The following MOSMO variants were observed in gnomAD, a reference collection of about 807,000 sequenced individuals.
MOSMO encodes modulator of smoothened protein.
A neutral mutation model predicts 18.4 loss-of-function variants in MOSMO; 5 were observed. The ratio of observed to expected loss-of-function variants is 0.27; its 90% CI spans 0.14 to 0.57. The LOEUF (loss-of-function observed/expected upper bound fraction) is 0.57, where lower values mean the gene tolerates loss of function less well. Ranked by LOEUF, MOSMO falls within the 20% of genes least tolerant of loss-of-function variation. MOSMO has a pLI of 0.92. For missense variants in MOSMO, 138 were observed against 211.8 expected (o/e 0.65, Z 2.16); for synonymous variants, 82 against 82.3 (o/e 1.00, Z 0.02).
chr16:22,044,506 A>AAGG (rs1900270249), intron 1 of MOSMO, among the ~76,000 whole-genome samples: 1 of 152,200 alleles, frequency 6.6e-6, no homozygotes, highest in Non-Finnish European at 1.5e-5. Flanking sequence ...ATGATGCTCA[A>AAGG]AGGAAATGCT....
chr16:22,079,812 C>G (rs986535941), intron 2 of MOSMO, among the ~76,000 whole-genome samples: 24 of 152,240 alleles, frequency 1.6e-4, no homozygotes, highest in African/African-American at 5.8e-4. Context: ...GAGACAGAGT[C>G]TCAGTCTGTT....
At chr16:22,027,015 G>A (rs1899890405) in intron 1 of MOSMO, among the ~76,000 whole-genome samples, 1 of 152,282 alleles carries the variant, frequency 6.6e-6, no homozygotes. Flanking sequence ...TGTCTTTAGT[G>A]TGTGGCTTTA....
intron 1 of MOSMO, among the ~76,000 whole-genome samples, chr16:22,017,266 C>A (rs1247411063): frequency 6.6e-6 from 1 of 152,104 alleles, no homozygotes; most frequent in Non-Finnish European, 1.5e-5. Context: ...TAATTATTTA[C>A]ATAGTGACCG....
At chr16:22,024,016 T>TA (rs57968547) in intron 1 of MOSMO, among the ~76,000 whole-genome samples, 17 of 145,622 alleles carry the variant, frequency 1.2e-4, no homozygotes, top group African/African-American at 3.9e-4. Flanking sequence ...TATATATATA[T>TA]TTTCTTAAGA....
At chr16:22,052,443 C>T (rs1318714758) in intron 1 of MOSMO, among the ~76,000 whole-genome samples, 1 of 152,160 alleles carries the variant, frequency 6.6e-6, no homozygotes, top group African/African-American at 2.4e-5. Context: ...CTTTGGAAAA[C>T]AATTTGGTAT....
intron 1 of MOSMO, among the ~76,000 whole-genome samples, chr16:22,025,546 A>G (rs1899858441): frequency 6.6e-6 from 1 of 152,204 alleles, no homozygotes; most frequent in South Asian, 2.1e-4. Context: ...AATATTGAAT[A>G]CAAATTGAAA....
intron 1 of MOSMO, among the ~76,000 whole-genome samples, chr16:22,013,923 G>A (rs1899586051): frequency 6.6e-6 from 1 of 151,876 alleles, no homozygotes; most frequent in African/African-American, 2.4e-5. Context: ...TTCCCTGCTT[G>A]TATTCTGAAC....
intron 1 of MOSMO, among the ~76,000 whole-genome samples, chr16:22,072,659 A>G (rs1178930665): frequency 6.6e-6 from 1 of 152,072 alleles, no homozygotes; most frequent in Non-Finnish European, 1.5e-5. Flanking sequence ...AAAATACAAA[A>G]AAATTAGCCG....
chr16:22,010,726 C>A (rs1367624833), intron 1 of MOSMO, among the ~76,000 whole-genome samples: 2 of 151,830 alleles, frequency 1.3e-5, no homozygotes, highest in African/African-American at 4.8e-5. Context: ...TGAGACCATC[C>A]TGGCCAACAT....
Position 22,083,500 on chromosome 16 carries a change from TATAAGTGAAAAG to T in MOSMO, c.*2624_*2635del. The T allele has an allele frequency of 9.6e-6, 3 of 312,768 alleles. No individual in the cohort carries two copies. The highest frequency in any genetic ancestry group is 8.1e-5 in the South Asian group (3 of 37,176). 19.4% of individuals were successfully genotyped at this position (312,768 alleles called of 1,614,324 possible). On this transcript the variant is annotated 3_prime_UTR_variant, in exon 3 of 3. Transcript: ENST00000542527. ...CATTCATATAGATTTCTATAAATCC[TATAAGTGAAAAG>T]ATAGACAACTGTCCGCAGTTGCTTT...
intron 1 of MOSMO, among the ~76,000 whole-genome samples, chr16:22,026,689 A>G (rs1899883992): frequency 6.6e-6 from 1 of 152,198 alleles, no homozygotes; most frequent in Non-Finnish European, 1.5e-5. Context: ...TTTGGAAATG[A>G]TTCATTCATT....
chr16:22,060,741 C>G (rs956086973), intron 1 of MOSMO, among the ~76,000 whole-genome samples: 1 of 152,070 alleles, frequency 6.6e-6, no homozygotes, highest in Non-Finnish European at 1.5e-5. Context: ...GGCTTTATGG[C>G]GCATGCCTGT....
chr16:22,055,641 G>A (rs1567510018), intron 1 of MOSMO, among the ~76,000 whole-genome samples: 2 of 152,176 alleles, frequency 1.3e-5, no homozygotes. Context: ...GGATGGTAAA[G>A]ACTTCATTAC....
At chr16:22,091,577 G>T (rs1901327731), downstream of MOSMO, among the ~76,000 whole-genome samples, 2 of 152,074 alleles carry the variant, frequency 1.3e-5, no homozygotes, top group African/African-American at 2.4e-5. Context: ...TTTTTGTAGA[G>T]ACAGAGTCTC....
intron 1 of MOSMO, among the ~76,000 whole-genome samples, chr16:22,063,087 C>G (rs1311456937): frequency 6.6e-6 from 1 of 152,080 alleles, no homozygotes; most frequent in African/African-American, 2.4e-5. Flanking sequence ...CTCCTGACCT[C>G]AGGTGATCCA....
At chr16:22,090,438 A>G (rs971755117), downstream of MOSMO, among the ~76,000 whole-genome samples, 3 of 152,098 alleles carry the variant, frequency 2.0e-5, no homozygotes, top group African/African-American at 7.2e-5. Flanking sequence ...TCCTCATGAC[A>G]TTAAACACAT....
intron 1 of MOSMO, 77 bp from the exon 2 acceptor site, chr16:22,075,410 T>A: frequency 9.0e-7 from 1 of 1,109,612 alleles, no homozygotes; most frequent in South Asian, 1.3e-5. Context: ...ATTTAAGAAC[T>A]AAAGGGGTGG....
chr16:22,062,476 C>T (rs556325158), intron 1 of MOSMO, among the ~76,000 whole-genome samples: 10 of 152,164 alleles, frequency 6.6e-5, no homozygotes, highest in East Asian at 1.9e-4. Context: ...GTGCACATCA[C>T]GATGCCCGGC....
At chr16:22,052,431 C>T (rs1387343061) in intron 1 of MOSMO, among the ~76,000 whole-genome samples, 1 of 152,064 alleles carries the variant, frequency 6.6e-6, no homozygotes, top group Non-Finnish European at 1.5e-5. Context: ...CGGACATAAC[C>T]CCTTTGGAAA....
Sources: gnomAD v4.1 joint callset for allele counts (sites outside exome capture counted in the v4.1 genomes callset) on GRCh38, gnomAD v4.1.1 for gene constraint, MANE v1.5 for transcripts, NCBI Gene and HGNC (gene_info 2026-07-23, HGNC 2026-07-21) for gene names.